SMG1: variants seen among roughly 807,000 people sequenced by gnomAD.
SMG1 encodes the protein serine/threonine-protein kinase SMG1.
Under a neutral mutation model 419.9 loss-of-function variants are expected in SMG1, and 22 were observed. The observed-to-expected ratio is 0.05, with a 90% CI of 0.04 to 0.07. The LOEUF (loss-of-function observed/expected upper bound fraction) is 0.07. Ranked by LOEUF, SMG1 falls within the 10% of genes least tolerant of loss-of-function variation. The pLI is 1.00. For synonymous variants in SMG1, 1,538 were observed against 1,553.5 expected, an observed-to-expected ratio of 0.99 and a Z score of 0.23; for missense variants, 3,185 against 4,342.0, an observed-to-expected ratio of 0.73 and a Z score of 7.49.
Position 18,847,517 on chromosome 16 carries a change from G to C in SMG1, c.5932C>G (p.Leu1978Val). ...GVLLQQHMYV[L>V]RRIQQLEDEV... ...TCTTCAAGCTGCTGAATTCGTCTCA[G>C]GACATACATGTGTTGTTGCAGCAAA... Residue 1978 changes from leucine (L) to valine (V), a missense_variant, in exon 38 of 63, where the codon CTG (leucine) becomes GTG (valine). Physicochemically the swap from Leu to Val is conservative, Grantham distance 32. Transcript: ENST00000446231. 1 of 1,614,028 alleles carries C rather than the reference G, an allele frequency of 6.2e-7. No homozygotes were observed. Among genetic ancestry groups the C allele is most frequent in the Non-Finnish European group, 8.5e-7 (1 of 1,179,892 alleles).
chr16:18,872,092 A>T (rs1596562164), intron 15 of SMG1, 92 bp downstream of exon 15: 1 of 761,628 alleles, frequency 1.3e-6, no homozygotes, highest in South Asian at 2.8e-5. Flanking sequence ...CCACATTTTT[A>T]AAAATTTTTT....
intron 5 of SMG1, 42 bp downstream of exon 5, chr16:18,890,821 T>C (rs2036843595): frequency 8.7e-7 from 1 of 1,151,904 alleles, no homozygotes; most frequent in Non-Finnish European, 1.3e-6. Context: ...TCTAAAAATA[T>C]ATTTTAAAGT....
chr16:18,859,142 A>G lies in SMG1; in HGVS notation c.3993T>C (p.Ala1331=), dbSNP rs575465039. 6.5e-7 allele frequency: 1 copy of G among 1,535,014 alleles called. No individual in the cohort carries two copies. The highest frequency in any genetic ancestry group is 1.2e-5 in the South Asian group (1 of 84,058). The change falls in exon 28 of 63, where the codon GCT becomes GCC. Residue 1331 remains alanine (A), a synonymous_variant. Transcript: ENST00000446231. ...AAGTAGAAAGTCTCAGAGGTCCAAT[A>G]GCGATGCGGGATGTTTGCTTCAAGT... ...VKYLKQTSRI[A]IGPLRLSTLT... is the part of the protein sequence containing the mutation.
intron 31 of SMG1, among the ~76,000 whole-genome samples, chr16:18,853,298 CCTT>C (rs2034702143): frequency 6.6e-6 from 1 of 152,068 alleles, no homozygotes; most frequent in Non-Finnish European, 1.5e-5. Context: ...CTTTGTTGCT[CCTT>C]CTATTGTGAG....
intron 1 of SMG1, chr16:18,924,812 A>C (rs1045496671): frequency 3.3e-5 from 5 of 152,212 alleles, no homozygotes; most frequent in African/African-American, 4.8e-5. Flanking sequence ...GCCAAAGATA[A>C]TTTTATTGAT....
At chr16:18,867,658 A>C (rs1322120244) in intron 22 of SMG1, among the ~76,000 whole-genome samples, 5 of 145,852 alleles carry the variant, frequency 3.4e-5, no homozygotes, top group African/African-American at 1.3e-4. Context: ...TAACATGAAT[A>C]TTGTTTTAAC....
intron 22 of SMG1, among the ~76,000 whole-genome samples, chr16:18,867,832 C>A (rs1029091112): frequency 6.6e-6 from 1 of 151,036 alleles, no homozygotes; most frequent in Non-Finnish European, 1.5e-5. Flanking sequence ...CCTCAGCCTC[C>A]CGAGTAGCTG....
intron 3 of SMG1, among the ~76,000 whole-genome samples, chr16:18,894,679 TAA>T (rs34559113): frequency 0.098 from 11,813 of 121,136 alleles, 611 homozygotes; most frequent in African/African-American, 0.18. Context: ...CACACAGTAT[TAA>T]AAAAAAAAAA....
chr16:18,879,845 A>G, intron 10 of SMG1, 126 bp from the exon 11 acceptor site: 3 of 705,802 alleles, frequency 4.3e-6, no homozygotes, highest in Non-Finnish European at 7.4e-6. Flanking sequence ...CAGTCTCTTA[A>G]TATTCTAGTT....
chr16:18,835,364 G>A (rs2033490418), intron 48 of SMG1, among the ~76,000 whole-genome samples, 200 bp from the exon 49 acceptor site: 1 of 152,154 alleles, frequency 6.6e-6, no homozygotes, highest in East Asian at 1.9e-4. Context: ...TTGAGGCCAG[G>A]CACCACGGCT....
intron 57 of SMG1, among the ~76,000 whole-genome samples, chr16:18,816,816 C>G (rs1028279320): frequency 6.6e-6 from 1 of 152,134 alleles, no homozygotes; most frequent in Non-Finnish European, 1.5e-5. Context: ...CAATCCAGGT[C>G]CCTAAATTCT....
intron 15 of SMG1, 33 bp from the exon 16 acceptor site, chr16:18,871,515 T>TAA: frequency 8.0e-7 from 1 of 1,255,246 alleles, no homozygotes; most frequent in South Asian, 1.6e-5. Context: ...GACTGTACAT[T>TAA]AAAAAAAACA....
chr16:18,876,256 A>G lies in SMG1; in HGVS notation c.1758T>C (p.Pro586=). 6.2e-7 allele frequency: 1 copy of G among 1,611,804 alleles called. No individual in the cohort carries two copies. Among genetic ancestry groups the G allele is most frequent in the South Asian group, 1.1e-5 (1 of 90,986 alleles). The part of the protein sequence containing the change: ...LNNLLHSLQL[P]EACSEIKHEA... ...CATGTTTTATTTCAGAACAGGCCTC[A>G]GGAAGTTGTAGACTGTGTAGGAGGT... Residue 586 remains proline, a synonymous_variant, in exon 13 of 63, where the codon CCT becomes CCC. Coordinates refer to ENST00000446231, the MANE Select transcript of SMG1 (RefSeq NM_015092.5).
At chr16:18,910,228 A>G (rs1426645657) in intron 1 of SMG1, among the ~76,000 whole-genome samples, 1 of 142,500 alleles carries the variant, frequency 7.0e-6, no homozygotes, top group Non-Finnish European at 1.5e-5. Flanking sequence ...CACCATGCCC[A>G]GCTATTTTTT....
rs180751427 is a variant in SMG1, at chr16:18,907,021, C to T, written c.93-10065G>A. Among the ~76,000 whole-genome samples the T allele has an allele frequency of 7.9e-5, 12 of 152,284 alleles. No homozygotes were observed. In the East Asian group the frequency reaches 2.3e-3, roughly 29 times the overall value. On this transcript the variant is annotated intron_variant, in intron 1 of 62. Transcript: ENST00000446231. ...AATTCTTGGCTGGCATAGTGGCTCA[C>T]GCCTGTAATCCCAGCACTTTGGGAG... is the stretch of plus-strand genomic sequence containing the variant.
chr16:18,864,743 C>G (rs1444242388), intron 23 of SMG1, among the ~76,000 whole-genome samples: 1 of 152,132 alleles, frequency 6.6e-6, no homozygotes, highest in Non-Finnish European at 1.5e-5. Flanking sequence ...TCCCCAAGTA[C>G]TGGGATTTCA....
intron 1 of SMG1, among the ~76,000 whole-genome samples, chr16:18,904,752 T>C (rs557147008): frequency 1.4e-4 from 21 of 151,372 alleles, no homozygotes; most frequent in Non-Finnish European, 2.5e-4. Context: ...CTCGCCAATG[T>C]AGTGAAACCC....
intron 60 of SMG1, among the ~76,000 whole-genome samples, chr16:18,812,443 G>A (rs542057161): frequency 3.2e-4 from 49 of 151,902 alleles, no homozygotes; most frequent in African/African-American, 1.0e-3. Context: ...GTTGAGGTCA[G>A]GAATTTATTA....
chr16:18,920,679 A>C (rs1256787941), intron 1 of SMG1, among the ~76,000 whole-genome samples: 1 of 151,058 alleles, frequency 6.6e-6, no homozygotes, highest in African/African-American at 2.4e-5. Context: ...TACAAAAAAC[A>C]AAAAAAAATA....
Sources: gnomAD v4.1 joint callset for allele counts (sites outside exome capture counted in the v4.1 genomes callset) on GRCh38, gnomAD v4.1.1 for gene constraint, MANE v1.5 for transcripts, NCBI Gene and HGNC (gene_info 2026-07-23, HGNC 2026-07-21) for gene names.